The following OSBPL9 variants were observed in gnomAD, a reference collection of about 807,000 sequenced individuals.
OSBPL9 encodes the protein oxysterol binding protein like 9.
In OSBPL9, 40 loss-of-function variants were observed where a neutral mutation model predicts 106.6. That is an observed-to-expected ratio of 0.38 (90% CI 0.29 to 0.49). The LOEUF is 0.49. Among genes scored for constraint, OSBPL9 ranks in the 20% least tolerant of loss-of-function variants. The pLI, the probability that OSBPL9 is intolerant of heterozygous loss-of-function variation, is 0.97. For missense variants in OSBPL9, 609 were observed against 887.2 expected, an observed-to-expected ratio of 0.69 and a Z score of 3.98; for synonymous variants, 269 against 295.4, an observed-to-expected ratio of 0.91 and a Z score of 0.92.
chr1:51,703,024 A>G (rs1657646033), intron 3 of OSBPL9, among the ~76,000 whole-genome samples: 3 of 152,202 alleles, frequency 2.0e-5, no homozygotes, highest in African/African-American at 2.4e-5. Context: ...TACCAGTACC[A>G]TGCTGTTTTG....
chr1:51,704,730 A>C (rs1249526878), intron 3 of OSBPL9, among the ~76,000 whole-genome samples: 1 of 152,132 alleles, frequency 6.6e-6, no homozygotes, highest in Non-Finnish European at 1.5e-5. Context: ...CGTCACATTA[A>C]AGAGGGTTCT....
At chr1:51,678,097 C>T (rs1395419325) in intron 3 of OSBPL9, among the ~76,000 whole-genome samples, 5 of 151,978 alleles carry the variant, frequency 3.3e-5, no homozygotes, top group Non-Finnish European at 7.4e-5. Context: ...GCAGATGAGT[C>T]CCTTGAGTTT....
chr1:51,657,279 A>G (rs1401761506), intron 2 of OSBPL9, among the ~76,000 whole-genome samples: 1 of 152,180 alleles, frequency 6.6e-6, no homozygotes, highest in African/African-American at 2.4e-5. Flanking sequence ...AAAGCAAAAC[A>G]CCCACATGAA....
chr1:51,556,804 T>C, the OSBPL9 span, among the ~76,000 whole-genome samples: 1 of 146,864 alleles, frequency 6.8e-6, no homozygotes, highest in Non-Finnish European at 1.5e-5. Context: ...AAAAAAAAAG[T>C]ATATATATAC....
At chr1:51,555,198 C>T in the OSBPL9 span, among the ~76,000 whole-genome samples, 1 of 152,182 alleles carries the variant, frequency 6.6e-6, no homozygotes, top group Admixed American at 6.5e-5. Context: ...ATATAGATGC[C>T]TTTAAAAAGG....
chr1:51,668,624 ACT>A (rs1649098842), intron 2 of OSBPL9, among the ~76,000 whole-genome samples: 1 of 152,134 alleles, frequency 6.6e-6, no homozygotes, highest in East Asian at 1.9e-4. Context: ...ACAGGGTGAG[ACT>A]CTGTCTCAAA....
chr1:51,751,991 G>T (rs1479605363), intron 8 of OSBPL9, among the ~76,000 whole-genome samples: 1 of 152,096 alleles, frequency 6.6e-6, no homozygotes, highest in Non-Finnish European at 1.5e-5. Context: ...GTCTTCTTAT[G>T]TACAAATACA....
chr1:51,552,907 G>T, the OSBPL9 span, among the ~76,000 whole-genome samples: 2 of 151,724 alleles, frequency 1.3e-5, no homozygotes, highest in Non-Finnish European at 2.9e-5. Flanking sequence ...ATAGTCGTGG[G>T]CCACCATACC....
At chr1:51,705,046 G>T (rs958032354) in intron 3 of OSBPL9, among the ~76,000 whole-genome samples, 3 of 151,730 alleles carry the variant, frequency 2.0e-5, no homozygotes, top group Non-Finnish European at 4.4e-5. Flanking sequence ...TATTTCTTTT[G>T]CACAAATAAG....
the OSBPL9 span, among the ~76,000 whole-genome samples, chr1:51,548,580 G>C: frequency 6.6e-6 from 1 of 151,542 alleles, no homozygotes; most frequent in Non-Finnish European, 1.5e-5. Context: ...CGTGGGGATG[G>C]AGTTCCACTA....
At chr1:51,697,612 A>G (rs1656334529) in intron 3 of OSBPL9, among the ~76,000 whole-genome samples, 1 of 151,666 alleles carries the variant, frequency 6.6e-6, no homozygotes, top group African/African-American at 2.4e-5. Context: ...AGGAATGGTA[A>G]GGTATAGGAG....
At chr1:51,606,430 T>C (rs575584337) in intron 2 of OSBPL9, among the ~76,000 whole-genome samples, 50 of 152,266 alleles carry the variant, frequency 3.3e-4, no homozygotes, top group Non-Finnish European at 5.4e-4. Context: ...TGAATTAATA[T>C]ACTGCAAATT....
At chr1:51,525,661 C>T in the OSBPL9 span, among the ~76,000 whole-genome samples, 15 of 152,238 alleles carry the variant, frequency 9.9e-5, no homozygotes, top group Non-Finnish European at 1.9e-4. Flanking sequence ...TTTTCACCAC[C>T]TCCACTACCA....
intron 1 of OSBPL9, among the ~76,000 whole-genome samples, chr1:51,650,888 T>A (rs1646476378): frequency 6.6e-6 from 1 of 152,244 alleles, no homozygotes; most frequent in South Asian, 2.1e-4. Context: ...TAGGCTTTGC[T>A]TGGCTCAGTT....
At chr1:51,700,555 T>A (rs899809821) in intron 3 of OSBPL9, among the ~76,000 whole-genome samples, 2 of 152,220 alleles carry the variant, frequency 1.3e-5, no homozygotes, top group African/African-American at 4.8e-5. Flanking sequence ...ATTTTGGATT[T>A]ATCTGATATG....
chr1:51,745,772 C>A, intron 5 of OSBPL9, 141 bp downstream of exon 5: 1 of 1,048,980 alleles, frequency 9.5e-7, no homozygotes, highest in Non-Finnish European at 1.3e-6. Flanking sequence ...CTTAAAAGAT[C>A]TAGCTGACTT....
chr1:51,652,935 T>A (rs1320750628), intron 2 of OSBPL9, among the ~76,000 whole-genome samples: 1 of 152,376 alleles, frequency 6.6e-6, no homozygotes, highest in South Asian at 2.1e-4. Context: ...TGTTGACTTC[T>A]TTCTTCCACC....
At chr1:51,544,406 C>G in the OSBPL9 span, among the ~76,000 whole-genome samples, 1 of 128,138 alleles carries the variant, frequency 7.8e-6, no homozygotes, top group Non-Finnish European at 1.8e-5. Context: ...GCCTCCATTT[C>G]CCTTCTTTTG....
intron 4 of OSBPL9, among the ~76,000 whole-genome samples, chr1:51,725,159 C>T (rs1662898313): frequency 6.7e-6 from 1 of 150,306 alleles, no homozygotes; most frequent in Non-Finnish European, 1.5e-5. Flanking sequence ...TTGTAGGTGT[C>T]TGTTGAGATA....
Sources: allele counts gnomAD v4.1 joint callset (sites outside exome capture counted in the v4.1 genomes callset), GRCh38; gene constraint gnomAD v4.1.1; transcripts MANE v1.5; gene names NCBI Gene and HGNC (gene_info 2026-07-23, HGNC 2026-07-21).